SNX12: variants seen among roughly 807,000 people sequenced by gnomAD.
The protein encoded by SNX12 is sorting nexin 12.
For synonymous variants in SNX12, 47 were observed against 56.0 expected, an observed-to-expected ratio of 0.84 and a Z score of 0.71; for missense variants, 62 against 141.3, an observed-to-expected ratio of 0.44 and a Z score of 2.84.
intron 1 of SNX12, among the ~76,000 whole-genome samples, chrX:71,066,591 T>TAAAA (rs34509177): frequency 1.4e-5 from 1 of 73,998 alleles, no homozygotes; most frequent in African/African-American, 5.2e-5. Context: ...CTCCATCTCT[T>TAAAA]AAAAAAAAAA....
At chrX:71,069,551 C>A (rs1475494909), upstream of SNX12, among the ~76,000 whole-genome samples, 1 of 112,145 alleles carries the variant, frequency 8.9e-6, no homozygotes, top group African/African-American at 3.2e-5. Context: ...AGGGGAGGTT[C>A]CCCTGGAGGA....
intron 1 of SNX12, 124 bp from the exon 2 acceptor site, chrX:71,063,073 C>T: frequency 2.1e-6 from 1 of 470,536 alleles, no homozygotes. Flanking sequence ...TCCTATAACC[C>T]CTTCAAATCA....
chrX:71,062,980 A>G, intron 1 of SNX12, 31 bp from the exon 2 acceptor site: 2 of 1,015,297 alleles, frequency 2.0e-6, no homozygotes, highest in Non-Finnish European at 1.4e-6. Flanking sequence ...AAGAAGAAAG[A>G]TGGTAATGTT....
chrX:71,068,074 C>T (rs902909352), intron 1 of SNX12, 68 bp downstream of exon 1: 2 of 1,006,103 alleles, frequency 2.0e-6, no homozygotes, highest in Non-Finnish European at 2.7e-6. Flanking sequence ...CCCGCGGTAG[C>T]CTCCCTCCCC....
intron 1 of SNX12, 46 bp downstream of exon 1, chrX:71,068,096 C>G: frequency 9.0e-7 from 1 of 1,109,787 alleles, no homozygotes; most frequent in Non-Finnish European, 1.2e-6. Context: ...CTCCCGCTCG[C>G]GCCGCCCGGT....
chrX:71,067,115 C>G (rs2092156673), intron 1 of SNX12, among the ~76,000 whole-genome samples: 1 of 112,296 alleles, frequency 8.9e-6, no homozygotes, highest in African/African-American at 3.2e-5. Flanking sequence ...GATTCTCAAA[C>G]TGTTTTGCCT....
chrX:71,069,918 G>A (rs1437314950), upstream of SNX12, among the ~76,000 whole-genome samples: 1 of 106,904 alleles, frequency 9.4e-6, no homozygotes, highest in Non-Finnish European at 1.9e-5. Flanking sequence ...TCCATCCTGG[G>A]CAACAGAGCA....
chrX:71,061,758 T>C, intron 3 of SNX12, 85 bp downstream of exon 3: 1 of 834,028 alleles, frequency 1.2e-6, no homozygotes, highest in Non-Finnish European at 1.7e-6. Flanking sequence ...TAAATAAAAA[T>C]AAAATAAAAG....
At chrX:71,071,541 A>AT (rs1569477441), upstream of SNX12, among the ~76,000 whole-genome samples, 3 of 61,047 alleles carry the variant, frequency 4.9e-5, no homozygotes, top group African/African-American at 7.7e-5. Context: ...ATATTTATAT[A>AT]TATTATATAT....
chrX:71,068,441 G>A, upstream of SNX12: 1 of 437,256 alleles, frequency 2.3e-6, no homozygotes, highest in Non-Finnish European at 3.6e-6. Flanking sequence ...GCGCGCCCAC[G>A]CACGCACGCG....
upstream of SNX12, among the ~76,000 whole-genome samples, chrX:71,070,504 C>T (rs905749117): frequency 2.7e-5 from 3 of 111,748 alleles, no homozygotes; most frequent in Admixed American, 1.9e-4. Context: ...TAACCATGAG[C>T]AAATTATACA....
At chrX:71,070,515 AAC>A (rs2092169066), upstream of SNX12, among the ~76,000 whole-genome samples, 2 of 111,960 alleles carry the variant, frequency 1.8e-5, no homozygotes, top group Admixed American at 1.9e-4. Flanking sequence ...AAATTATACA[AAC>A]AGTTTTCCTC....
intron 1 of SNX12, among the ~76,000 whole-genome samples, chrX:71,065,580 G>A (rs1355444958): frequency 5.6e-5 from 6 of 107,547 alleles, no homozygotes; most frequent in Non-Finnish European, 9.6e-5. Context: ...CGAGGCAAGC[G>A]GATCACTTGA....
At chrX:71,071,043 T>C (rs937542984), upstream of SNX12, among the ~76,000 whole-genome samples, 1 of 111,330 alleles carries the variant, frequency 9.0e-6, no homozygotes, top group African/African-American at 3.3e-5. Flanking sequence ...CAGTGTAAGG[T>C]TCTTGTTTTT....
At chrX:71,070,341 A>G (rs974517900), upstream of SNX12, among the ~76,000 whole-genome samples, 7 of 112,012 alleles carry the variant, frequency 6.2e-5, no homozygotes, top group Non-Finnish European at 1.1e-4. Flanking sequence ...GATGGTGACA[A>G]TGGAGAGGAG....
chrX:71,068,213 T>G lies in SNX12; in HGVS notation c.94A>C (p.Ile32Leu). Reference sequence around the variant, plus strand: ...ACCGTCTGAGGATTAAAGATGTCGATCTCCAGGAAGTTACTTGGCGGCCCG... The same window carrying G: ...ACCGTCTGAGGATTAAAGATGTCGAGCTCCAGGAAGTTACTTGGCGGCCCG... The part of the protein sequence containing the change: ...AYGPPSNFLE[I>L]DIFNPQTVGV... The change falls in exon 1 of 4, where the codon ATC becomes CTC. Residue 32 changes from isoleucine (I) to leucine (L), a missense_variant. By Grantham distance (5) the Ile-to-Leu change is conservative. Coordinates refer to ENST00000374274, the MANE Select transcript of SNX12 (RefSeq NM_013346.4). 1.7e-6 allele frequency: 2 copies of G among 1,210,027 alleles called. No homozygotes were observed. Among genetic ancestry groups the G allele is most frequent in the Non-Finnish European group, 2.2e-6 (2 of 894,849 alleles).
At chrX:71,065,395 G>A (rs1325339899) in intron 1 of SNX12, among the ~76,000 whole-genome samples, 2 of 106,197 alleles carry the variant, frequency 1.9e-5, no homozygotes, top group Admixed American at 1.0e-4. Flanking sequence ...AAGGCCAGGC[G>A]TGGTGGCTCA....
At chrX:71,062,026 G>A (rs1483752868) in intron 2 of SNX12, 59 bp from the exon 3 acceptor site, 2 of 1,071,749 alleles carry the variant, frequency 1.9e-6, no homozygotes, top group Non-Finnish European at 2.5e-6. Flanking sequence ...GAATGAGATG[G>A]TAAAGCACCG....
upstream of SNX12, chrX:71,068,521 G>A: frequency 3.5e-6 from 1 of 284,462 alleles, no homozygotes; most frequent in South Asian, 1.5e-4. Context: ...CCTGTAGAGT[G>A]GAGGCCATAT....
Sources: gnomAD v4.1 joint callset for allele counts (sites outside exome capture counted in the v4.1 genomes callset) on GRCh38, gnomAD v4.1.1 for gene constraint, MANE v1.5 for transcripts, NCBI Gene and HGNC (gene_info 2026-07-23, HGNC 2026-07-21) for gene names.